The following NCALD variants were observed in gnomAD, a reference collection of about 807,000 sequenced individuals.
NCALD encodes neurocalcin delta, also known as neurocalcin-delta.
In NCALD, 10 loss-of-function variants were observed where a neutral mutation model predicts 18.6. The ratio of observed to expected loss-of-function variants is 0.54; its 90% CI spans 0.33 to 0.91. NCALD has a LOEUF of 0.91. NCALD is among the 40% of genes least tolerant of loss of function. The pLI is 0.03. For missense variants in NCALD, 184 were observed against 247.6 expected (o/e 0.74, Z 1.72); for synonymous variants, 88 against 87.4 (o/e 1.01, Z -0.04).
intron 2 of NCALD, among the ~76,000 whole-genome samples, chr8:101,700,031 T>C (rs1244354897): frequency 7.0e-6 from 1 of 143,710 alleles, no homozygotes; most frequent in Non-Finnish European, 1.5e-5. Context: ...TCTCTATTTT[T>C]ATTTATTTAT....
At chr8:101,803,191 CA>C (rs1351815762) in intron 4 of NCALD, among the ~76,000 whole-genome samples, 1 of 152,058 alleles carries the variant, frequency 6.6e-6, no homozygotes, top group East Asian at 1.9e-4. Flanking sequence ...TTTACCATTC[CA>C]AAAAATTGTA....
rs1823609025 is a variant in NCALD, at chr8:102,055,245, T to C, written c.-209-34956A>G. On this transcript the variant is annotated intron_variant, in intron 1 of 6. Coordinates refer to the NCALD transcript ENST00000311028. ...GAATGAGAGACCTAAGTCACATTCA[T>C]GATATGAAAAAAAAAAAAAAAGAAG... 2.9e-5 allele frequency among the ~76,000 whole-genome samples: 4 copies of C among 139,032 alleles called. No individual in the cohort carries two copies. In the Admixed American group the frequency reaches 2.9e-4, roughly 10 times the overall value. 91.2% of individuals were successfully genotyped at this position (139,032 alleles called of 152,430 possible).
chr8:101,808,827 T>G (rs779606116), intron 4 of NCALD, among the ~76,000 whole-genome samples: 1 of 152,080 alleles, frequency 6.6e-6, no homozygotes, highest in Non-Finnish European at 1.5e-5. Flanking sequence ...CCTGAAGACT[T>G]CTTGGAGAAA....
Position 101,992,182 on chromosome 8 carries a change from G to A in NCALD, c.-157+28055C>T, listed in dbSNP as rs185383011. 3.8e-4 allele frequency among the ~76,000 whole-genome samples: 58 copies of A among 152,236 alleles called. No individual in the cohort carries two copies. In the East Asian group the frequency reaches 0.011, roughly 28 times the overall value. ...AAGCCAGATGGATGGGTGGATAGATGTGCTGGTACTACTCAAATGTCCGGT... is the reference window on the plus strand; with the variant it reads ...AAGCCAGATGGATGGGTGGATAGATATGCTGGTACTACTCAAATGTCCGGT... On this transcript the variant is annotated intron_variant, in intron 2 of 6. Coordinates refer to the NCALD transcript ENST00000311028.
chr8:102,030,510 A>G lies in NCALD; in HGVS notation c.-209-10221T>C, dbSNP rs147067072. On this transcript the variant is annotated intron_variant, in intron 1 of 6. Transcript: ENST00000311028. ...GAGGATGAAACAGAACCAACTTATT[A>G]TTTTGAAACGTGGTCGATAAAAAGA... 4.3e-3 allele frequency among the ~76,000 whole-genome samples: 657 copies of G among 152,350 alleles called. 10 individuals carry two copies. Among genetic ancestry groups the G allele is most frequent in the Admixed American group, 0.04 (613 of 15,298 alleles).
At chr8:101,868,419 A>T (rs1815866802) in intron 4 of NCALD, among the ~76,000 whole-genome samples, 1 of 152,130 alleles carries the variant, frequency 6.6e-6, no homozygotes, top group African/African-American at 2.4e-5. Flanking sequence ...AGGCTGATTC[A>T]CGCTGACTTC....
chr8:101,909,926 G>T (rs1477035723), intron 3 of NCALD, among the ~76,000 whole-genome samples: 1 of 152,160 alleles, frequency 6.6e-6, no homozygotes. Flanking sequence ...TGTGATTTAA[G>T]GGAGGCTGGA....
At chr8:101,855,431 T>A (rs1815273944) in intron 4 of NCALD, among the ~76,000 whole-genome samples, 1 of 152,140 alleles carries the variant, frequency 6.6e-6, no homozygotes, top group Admixed American at 6.5e-5. Flanking sequence ...AATGAGCAAC[T>A]CCAGAGAGCC....
chr8:101,824,034 C>T (rs1311409819), intron 4 of NCALD, among the ~76,000 whole-genome samples: 3 of 152,198 alleles, frequency 2.0e-5, no homozygotes, highest in African/African-American at 7.2e-5. Flanking sequence ...AACAAAATGT[C>T]ATTTACTTGT....
chr8:101,786,266 A>G (rs1254855247), intron 1 of NCALD, among the ~76,000 whole-genome samples: 1 of 152,196 alleles, frequency 6.6e-6, no homozygotes, highest in African/African-American at 2.4e-5. Flanking sequence ...TCAAGCAAAC[A>G]AAAGCCAGGG....
intron 2 of NCALD, among the ~76,000 whole-genome samples, chr8:102,007,146 G>GA (rs1821742504): frequency 6.6e-6 from 1 of 152,200 alleles, no homozygotes; most frequent in Non-Finnish European, 1.5e-5. Context: ...GGATTAAACA[G>GA]AAAAAAGGGC....
rs1323309608 is a variant in NCALD at position 101,689,044 on chromosome 8, AAAT to A, written c.*262_*264del. On this transcript the variant is annotated 3_prime_UTR_variant, in exon 4 of 4. Coordinates refer to ENST00000220931, the MANE Select transcript of NCALD (RefSeq NM_032041.3). This position sits in a 1 kb window ranked among gnomAD's most constrained non-coding sequence, Gnocchi z 4.4. ...AGAACAGAGACATTAGAATAAAAAA[AAAT>A]AATAGTAACGATTAAAAATCATCAA... 1 of 700,170 alleles carries A rather than the reference AAAT, an allele frequency of 1.4e-6. No individual in the cohort carries two copies. The highest frequency in any genetic ancestry group is 2.6e-6 in the Non-Finnish European group (1 of 384,384). The allele number at this position is 700,170 out of a possible 1,614,324, so 43.4% of individuals were successfully genotyped here. A position where few individuals can be genotyped will look rare whatever the true frequency, so the allele number is the denominator to read the frequency against.
At chr8:101,891,398 A>T (rs1178435853) in intron 3 of NCALD, among the ~76,000 whole-genome samples, 1 of 152,240 alleles carries the variant, frequency 6.6e-6, no homozygotes, top group East Asian at 1.9e-4. Context: ...TTCACTCAGC[A>T]TAATGTCCTT....
At chr8:101,929,376 A>G (rs1586771162) in intron 2 of NCALD, among the ~76,000 whole-genome samples, 1 of 38,236 alleles carries the variant, frequency 2.6e-5, no homozygotes, top group Non-Finnish European at 5.0e-5. Context: ...GGGAGGAGGG[A>G]AGGGAGGAGG....
At chr8:102,123,666 C>G (rs944030151) in intron 1 of NCALD, 3 of 152,560 alleles carry the variant, frequency 2.0e-5, no homozygotes, top group African/African-American at 4.8e-5. Flanking sequence ...GGTCCTGAGT[C>G]CAAAATGCAG....
chr8:101,880,284 C>T (rs1387512064), intron 4 of NCALD, among the ~76,000 whole-genome samples: 2 of 152,134 alleles, frequency 1.3e-5, no homozygotes, highest in Admixed American at 6.5e-5. Flanking sequence ...ACTGGCCAGC[C>T]GCTCGGAGTG....
chr8:101,702,292 G>A (rs182907690), intron 2 of NCALD, among the ~76,000 whole-genome samples: 7 of 151,626 alleles, frequency 4.6e-5, no homozygotes, highest in African/African-American at 7.3e-5. Flanking sequence ...ATGCAGTGGC[G>A]TGATGATAGC....
At chr8:101,954,146 T>C (rs1462084347) in intron 2 of NCALD, among the ~76,000 whole-genome samples, 2 of 152,212 alleles carry the variant, frequency 1.3e-5, no homozygotes. Context: ...GGCCGTCCTA[T>C]GGCAGAAGGA....
chr8:101,999,558 G>A (rs148271577), intron 2 of NCALD, among the ~76,000 whole-genome samples: 4,242 of 152,108 alleles, frequency 0.028, 100 homozygotes, highest in East Asian at 0.092. Flanking sequence ...CTACACCTTG[G>A]GTACAGTGTA....
Sources: allele counts gnomAD v4.1 joint callset (sites outside exome capture counted in the v4.1 genomes callset), GRCh38; gene constraint gnomAD v4.1.1; non-coding constraint Gnocchi (gnomAD v3.1); transcripts MANE v1.5; gene names NCBI Gene and HGNC (gene_info 2026-07-23, HGNC 2026-07-21).